POLA1: variants seen among roughly 807,000 people sequenced by gnomAD.
The protein encoded by POLA1 is DNA polymerase alpha catalytic subunit.
A neutral mutation model predicts 124.0 loss-of-function variants in POLA1; 15 were observed. The observed-to-expected ratio is 0.12, with a 90% CI of 0.08 to 0.19. The LOEUF (loss-of-function observed/expected upper bound fraction) is 0.19, where lower values mean the gene tolerates loss of function less well. Ranked by LOEUF, POLA1 falls within the 10% of genes least tolerant of loss-of-function variation. The probability of loss-of-function intolerance (pLI) is 1.00; values close to 1 mark genes in which losing one functional copy is unlikely to be tolerated. For missense variants in POLA1, 886 were observed against 1,103.4 expected (o/e 0.80, Z 2.79); for synonymous variants, 408 against 389.4 (o/e 1.05, Z -0.56).
At chrX:24,765,268 TTG>T (rs757163223) in intron 26 of POLA1, among the ~76,000 whole-genome samples, 1 of 109,693 alleles carries the variant, frequency 9.1e-6, no homozygotes, top group East Asian at 2.9e-4. Context: ...TGTCACCTTC[TTG>T]TGTGTGCGTG....
At chrX:24,784,735 C>T (rs901470091) in intron 26 of POLA1, among the ~76,000 whole-genome samples, 6 of 111,751 alleles carry the variant, frequency 5.4e-5, no homozygotes, top group Non-Finnish European at 7.5e-5. Flanking sequence ...TTTCTTAGCG[C>T]CTCCTAAGTT....
intron 35 of POLA1, among the ~76,000 whole-genome samples, chrX:24,911,079 C>T (rs925670257): frequency 5.4e-5 from 6 of 112,053 alleles, no homozygotes; most frequent in Admixed American, 3.8e-4. Flanking sequence ...AGAGTGATAA[C>T]AGGAAAATCT....
chrX:24,897,153 A>C (rs1256727992), intron 35 of POLA1, among the ~76,000 whole-genome samples: 3 of 111,826 alleles, frequency 2.7e-5, no homozygotes, highest in Non-Finnish European at 5.6e-5. Flanking sequence ...ATGGCCCTGG[A>C]AATCTAGAGA....
intron 26 of POLA1, among the ~76,000 whole-genome samples, chrX:24,787,919 G>A (rs2045397210): frequency 8.9e-6 from 1 of 111,897 alleles, no homozygotes; most frequent in Non-Finnish European, 1.9e-5. Flanking sequence ...AAATAAAATT[G>A]TAGGCCAGTA....
intron 26 of POLA1, among the ~76,000 whole-genome samples, chrX:24,770,639 G>T (rs1466330535): frequency 9.0e-6 from 1 of 111,280 alleles, no homozygotes. Flanking sequence ...TAAACTTTTT[G>T]TTTTCTTAAT....
chrX:24,991,394 G>A (rs1278239502), intron 36 of POLA1, among the ~76,000 whole-genome samples: 1 of 112,601 alleles, frequency 8.9e-6, no homozygotes, highest in Non-Finnish European at 1.9e-5. Context: ...TTTTGCCACT[G>A]AAACATGGTA....
At chrX:24,912,813 G>A (rs183460873) in intron 35 of POLA1, among the ~76,000 whole-genome samples, 5 of 111,447 alleles carry the variant, frequency 4.5e-5, no homozygotes, top group East Asian at 5.7e-4. Context: ...AAAAAGATAC[G>A]GCTCCACACC....
chrX:24,711,278 C>T (rs1481014358), intron 4 of POLA1, among the ~76,000 whole-genome samples: 1 of 112,627 alleles, frequency 8.9e-6, no homozygotes, highest in African/African-American at 3.2e-5. Context: ...GCCACGGTGC[C>T]CGGCCCCTTT....
chrX:24,801,173 A>G (rs899628715), intron 26 of POLA1, among the ~76,000 whole-genome samples: 1 of 112,215 alleles, frequency 8.9e-6, no homozygotes, highest in African/African-American at 3.2e-5. Context: ...ATTTGTTTAT[A>G]TAACATGCAT....
At chrX:24,842,687 A>T (rs925130332) in intron 33 of POLA1, among the ~76,000 whole-genome samples, 3 of 111,655 alleles carry the variant, frequency 2.7e-5, no homozygotes, top group Non-Finnish European at 5.6e-5. Flanking sequence ...TAAATAAGAT[A>T]GTTAATTGCA....
At chrX:24,967,719 C>CG (rs2048240708) in intron 36 of POLA1, among the ~76,000 whole-genome samples, 1 of 36,700 alleles carries the variant, frequency 2.7e-5, no homozygotes, top group African/African-American at 1.0e-4. Context: ...CTCAAGCTTA[C>CG]TTAAGACCTC....
intron 35 of POLA1, among the ~76,000 whole-genome samples, chrX:24,907,123 G>C (rs1425197563): frequency 9.0e-6 from 1 of 111,099 alleles, no homozygotes; most frequent in African/African-American, 3.3e-5. Flanking sequence ...CCCAGGAGTC[G>C]GCGGTTGCAG....
chrX:24,834,113 A>G (rs1326812181), intron 32 of POLA1, among the ~76,000 whole-genome samples: 3 of 6,133 alleles, frequency 4.9e-4, no homozygotes, highest in Admixed American at 1.9e-3. Flanking sequence ...CTCAGAAAGA[A>G]AAAAAAAAAA....
chrX:24,813,288 G>A (rs918171537), intron 29 of POLA1, among the ~76,000 whole-genome samples: 3 of 111,217 alleles, frequency 2.7e-5, no homozygotes. Flanking sequence ...GGCTTAAAAT[G>A]TTCTGGGACT....
intron 8 of POLA1, 29 bp from the exon 9 acceptor site, chrX:24,717,261 A>G (rs369789764): frequency 2.2e-4 from 254 of 1,171,705 alleles, no homozygotes; most frequent in Middle Eastern, 1.9e-3. Flanking sequence ...GCAATAACAC[A>G]TGACAAGAAT....
intron 36 of POLA1, among the ~76,000 whole-genome samples, chrX:24,976,844 G>A (rs1437816433): frequency 3.6e-5 from 4 of 111,547 alleles, no homozygotes; most frequent in African/African-American, 1.3e-4. Flanking sequence ...TAAATAATAG[G>A]CACAGAGTGC....
At chrX:24,979,296 T>C (rs894132855) in intron 36 of POLA1, among the ~76,000 whole-genome samples, 1 of 112,024 alleles carries the variant, frequency 8.9e-6, no homozygotes, top group Non-Finnish European at 1.9e-5. Flanking sequence ...AAACCTAAAA[T>C]AAGTATGTTG....
At chrX:24,791,858 A>T (rs1443118104) in intron 26 of POLA1, among the ~76,000 whole-genome samples, 2 of 112,104 alleles carry the variant, frequency 1.8e-5, no homozygotes, top group Non-Finnish European at 3.8e-5. Context: ...GTCCAAAAAG[A>T]TGATTTAGCA....
chrX:24,948,243 A>G (rs1463129258), intron 36 of POLA1, among the ~76,000 whole-genome samples: 2 of 111,934 alleles, frequency 1.8e-5, no homozygotes, highest in Non-Finnish European at 3.8e-5. Flanking sequence ...TATAGCGTTG[A>G]TAACAGTTTA....
Sources: allele counts gnomAD v4.1 joint callset (sites outside exome capture counted in the v4.1 genomes callset), GRCh38; gene constraint gnomAD v4.1.1; transcripts MANE v1.5; gene names NCBI Gene and HGNC (gene_info 2026-07-23, HGNC 2026-07-21).